Variants in CBLB observed in about 807,000 individuals in gnomAD.
CBLB encodes Cbl proto-oncogene B.
In CBLB, 31 loss-of-function variants were observed where a neutral mutation model predicts 104.9. The observed-to-expected ratio is 0.30, with a 90% CI of 0.22 to 0.40. The LOEUF (loss-of-function observed/expected upper bound fraction) is 0.40, where lower values mean the gene tolerates loss of function less well. Ranked by LOEUF, CBLB falls within the 10% of genes least tolerant of loss-of-function variation. The probability of loss-of-function intolerance (pLI) is 1.00; values close to 1 mark genes in which losing one functional copy is unlikely to be tolerated. For missense variants in CBLB, 1,062 were observed against 1,214.6 expected, an observed-to-expected ratio of 0.87 and a Z score of 1.87; for synonymous variants, 440 against 422.6, an observed-to-expected ratio of 1.04 and a Z score of -0.51.
intron 5 of CBLB, among the ~76,000 whole-genome samples, chr3:105,747,818 G>GA (rs3836271): frequency 0.074 from 11,173 of 151,640 alleles, 571 homozygotes; most frequent in East Asian, 0.29. Flanking sequence ...AAGAGTGTTT[G>GA]AAAAAAAATG....
At chr3:105,779,365 T>A (rs995414123) in intron 3 of CBLB, among the ~76,000 whole-genome samples, 1 of 152,178 alleles carries the variant, frequency 6.6e-6, no homozygotes, top group Admixed American at 6.5e-5. Flanking sequence ...ATGCTTCTAT[T>A]TTCTTGCTTC....
chr3:105,677,271 G>T (rs925030497), intron 17 of CBLB, among the ~76,000 whole-genome samples: 1 of 150,760 alleles, frequency 6.6e-6, no homozygotes, highest in African/African-American at 2.4e-5. Context: ...AGAAATTGAA[G>T]CTGTGTATTC....
intron 12 of CBLB, among the ~76,000 whole-genome samples, chr3:105,698,761 A>G (rs2068713341): frequency 6.6e-6 from 1 of 152,102 alleles, no homozygotes; most frequent in South Asian, 2.1e-4. Context: ...AAGGGTGAAA[A>G]TACGTTAACA....
Position 105,865,422 on chromosome 3 carries a change from C to A in CBLB, c.168+1988G>T, listed in dbSNP as rs544410706. The stretch of plus-strand genomic sequence containing the variant: ...CAAACAGGCAATGTACATTTGCCAA[C>A]ACCCGCACCCACATCCCACTAAGTA... On this transcript the variant is annotated intron_variant, in intron 2 of 18. Transcript: ENST00000394030. 5.3e-5 allele frequency among the ~76,000 whole-genome samples: 8 copies of A among 152,274 alleles called. No individual in the cohort carries two copies. The South Asian group carries it at 1.7e-3, about 32-fold the overall frequency.
intron 2 of CBLB, among the ~76,000 whole-genome samples, chr3:105,854,553 A>G (rs1210547424): frequency 6.6e-6 from 1 of 152,012 alleles, no homozygotes; most frequent in African/African-American, 2.4e-5. Flanking sequence ...TCACATAAAG[A>G]TCATAAAGAT....
At chr3:105,729,631 A>C (rs2074085613) in intron 9 of CBLB, among the ~76,000 whole-genome samples, 1 of 152,140 alleles carries the variant, frequency 6.6e-6, no homozygotes, top group East Asian at 1.9e-4. Flanking sequence ...GTACAAGCTT[A>C]GATACCACTT....
rs562720778 is a variant in CBLB, at chr3:105,851,448, A to G, written c.419+1966T>C. ...GTGAAACAATTCTATATAACACTGT[A>G]ATGGTGGATATATTACATTATGCAT... On this transcript the variant is annotated intron_variant, in intron 3 of 18. Coordinates refer to ENST00000394030, the MANE Select transcript of CBLB (RefSeq NM_170662.5). 4.3e-4 allele frequency among the ~76,000 whole-genome samples: 66 copies of G among 152,304 alleles called. 1 individual carries two copies. Among genetic ancestry groups the G allele is most frequent in the African/African-American group, 1.3e-3 (56 of 41,570 alleles).
intron 4 of CBLB, among the ~76,000 whole-genome samples, chr3:105,760,784 T>A (rs1014084540): frequency 6.6e-6 from 1 of 152,224 alleles, no homozygotes; most frequent in Non-Finnish European, 1.5e-5. Flanking sequence ...GAAAAAACTC[T>A]GCATATATTG....
Position 105,776,376 on chromosome 3 carries a change from T to C in CBLB, c.566+20A>G, listed in dbSNP as rs778817693. 6.2e-7 allele frequency: 1 copy of C among 1,610,084 alleles called. No homozygotes were observed. Among genetic ancestry groups the C allele is most frequent in the South Asian group, 1.1e-5 (1 of 91,014 alleles). ...CCCTTGAAAGATAGATCCACAGCTA[T>C]AAAAATGATTTTTACTTACTTGTCT... On this transcript the variant is annotated intron_variant, in intron 4 of 18. Transcript: ENST00000394030.
intron 4 of CBLB, among the ~76,000 whole-genome samples, chr3:105,768,451 G>A (rs1434138698): frequency 1.3e-5 from 2 of 152,176 alleles, no homozygotes; most frequent in Non-Finnish European, 1.5e-5. Flanking sequence ...TTAAATGGCA[G>A]AAAAGTTGCA....
chr3:105,673,055 G>A (rs1050126974), intron 17 of CBLB: 1 of 150,254 alleles, frequency 6.7e-6, no homozygotes, highest in Non-Finnish European at 1.5e-5. Flanking sequence ...TGATTAGGAG[G>A]AGGAAGTATG....
chr3:105,709,440 CT>C (rs1229190325), intron 10 of CBLB, among the ~76,000 whole-genome samples: 1 of 151,540 alleles, frequency 6.6e-6, no homozygotes, highest in African/African-American at 2.4e-5. Flanking sequence ...CATAATTTCA[CT>C]CTAGGAAATT....
chr3:105,843,441 T>G (rs1439770340), intron 3 of CBLB, among the ~76,000 whole-genome samples: 1 of 152,182 alleles, frequency 6.6e-6, no homozygotes, highest in East Asian at 1.9e-4. Flanking sequence ...TTATTCTAAT[T>G]AATCCTCCAG....
chr3:105,822,166 T>C (rs1295579612), intron 3 of CBLB, among the ~76,000 whole-genome samples: 2 of 152,124 alleles, frequency 1.3e-5, no homozygotes, highest in Admixed American at 6.6e-5. Context: ...CACACACACA[T>C]ATACAATGGC....
chr3:105,655,612 T>G lies in CBLB; in HGVS notation c.*3358A>C, dbSNP rs2063288279. Reference sequence around the variant, plus strand: ...CATCACACAAGTTTTAAAAAGGCATTTTAAAAAACAATAAAATAGTAATTG... The same window carrying G: ...CATCACACAAGTTTTAAAAAGGCATGTTAAAAAACAATAAAATAGTAATTG... On this transcript the variant is annotated 3_prime_UTR_variant, in exon 19 of 19. Transcript: ENST00000394030. 1 of 186,426 alleles carries G rather than the reference T, an allele frequency of 5.4e-6. No individual in the cohort carries two copies. Among genetic ancestry groups the G allele is most frequent in the South Asian group, 2.0e-4 (1 of 5,126 alleles). The allele number at this position is 186,426 out of a possible 1,614,324, so 11.5% of individuals were successfully genotyped here. A position where few individuals can be genotyped will look rare whatever the true frequency, so the allele number is the denominator to read the frequency against.
At chr3:105,738,172 A>G (rs1001278451) in intron 7 of CBLB, among the ~76,000 whole-genome samples, 4 of 152,184 alleles carry the variant, frequency 2.6e-5, no homozygotes, top group African/African-American at 7.2e-5. Flanking sequence ...ATAAGAATAT[A>G]GTACTGTAGT....
chr3:105,779,830 C>A (rs1357978135), intron 3 of CBLB, among the ~76,000 whole-genome samples: 6 of 151,922 alleles, frequency 3.9e-5, no homozygotes, highest in Non-Finnish European at 8.8e-5. Flanking sequence ...TTTCTTTATT[C>A]CCCATCCCAC....
At position 105,841,295 on chromosome 3, in the gene CBLB, CA is replaced by C. The variant is rs370002853; in HGVS notation, c.419+12118del. Among the ~76,000 whole-genome samples, 838 of 123,988 alleles carry C rather than the reference CA, an allele frequency of 6.8e-3. 7 individuals carry two copies. Among genetic ancestry groups the C allele is most frequent in the African/African-American group, 0.023 (736 of 31,782 alleles). The allele number at this position is 123,988 out of a possible 152,430, so 81.3% of individuals were successfully genotyped here. A position where few individuals can be genotyped will look rare whatever the true frequency, so the allele number is the denominator to read the frequency against. ...TGGGCAACAGAGCAAGACTTCATTT[CA>C]AAAAAAAAAAAAAAGGAATTAAAAA... On this transcript the variant is annotated intron_variant, in intron 3 of 18. Transcript: ENST00000394030.
chr3:105,730,393 AGTATT>A (rs1242438630), intron 9 of CBLB, among the ~76,000 whole-genome samples: 1 of 152,088 alleles, frequency 6.6e-6, no homozygotes, highest in Admixed American at 6.5e-5. Context: ...TTCTCAGAAA[AGTATT>A]GTAAGAGCTT....
Sources: allele counts gnomAD v4.1 joint callset (sites outside exome capture counted in the v4.1 genomes callset), GRCh38; gene constraint gnomAD v4.1.1; transcripts MANE v1.5; gene names NCBI Gene and HGNC (gene_info 2026-07-23, HGNC 2026-07-21).